Variants in RGS7 observed in about 807,000 individuals in gnomAD.
RGS7 encodes regulator of G protein signaling 7.
Under a neutral mutation model 81.1 loss-of-function variants are expected in RGS7, and 27 were observed. The ratio of observed to expected loss-of-function variants is 0.33; its 90% CI spans 0.25 to 0.46. The LOEUF is 0.46. Among genes scored for constraint, RGS7 ranks in the 20% least tolerant of loss-of-function variants. The pLI is 1.00. For missense variants in RGS7, 396 were observed against 607.4 expected (o/e 0.65, Z 3.66); for synonymous variants, 208 against 207.7 (o/e 1.00, Z -0.01).
intron 2 of RGS7, among the ~76,000 whole-genome samples, chr1:241,176,397 T>C (rs1412673451): frequency 6.6e-6 from 1 of 152,166 alleles, no homozygotes; most frequent in African/African-American, 2.4e-5. Context: ...AAGCCCCCAC[T>C]TCAAGGATGA....
chr1:240,800,167 G>A (rs1197440937), intron 18 of RGS7, among the ~76,000 whole-genome samples: 1 of 152,154 alleles, frequency 6.6e-6, no homozygotes, highest in African/African-American at 2.4e-5. Flanking sequence ...TTGGAGAATT[G>A]TTTGACATTG....
chr1:240,830,009 G>A (rs1371796432), intron 9 of RGS7, among the ~76,000 whole-genome samples: 3 of 152,122 alleles, frequency 2.0e-5, no homozygotes, highest in East Asian at 1.9e-4. Context: ...GAAGAAACTC[G>A]AAGAAGAAGA....
At chr1:241,108,174 C>T (rs1280561177) in intron 2 of RGS7, among the ~76,000 whole-genome samples, 1 of 151,876 alleles carries the variant, frequency 6.6e-6, no homozygotes, top group African/African-American at 2.4e-5. Flanking sequence ...CGTAGTGACG[C>T]GCGCCTGTAA....
chr1:240,950,823 A>C (rs1419450406), intron 4 of RGS7, among the ~76,000 whole-genome samples: 1 of 152,214 alleles, frequency 6.6e-6, no homozygotes, highest in African/African-American at 2.4e-5. Flanking sequence ...AACCACAGCA[A>C]ACATTAAGCA....
chr1:240,937,114 C>T (rs909902683), intron 4 of RGS7, among the ~76,000 whole-genome samples: 1 of 152,128 alleles, frequency 6.6e-6, no homozygotes. Context: ...ACCTAATTAG[C>T]CATATTCAAT....
At chr1:240,823,268 C>T in intron 10 of RGS7, 1 of 642,334 alleles carries the variant, frequency 1.6e-6, no homozygotes, top group South Asian at 1.5e-5. Context: ...AGGCCATCTC[C>T]ACTTCCGACA....
rs55933935 is a variant in RGS7, at chr1:241,164,675, C to T, written c.79-65913G>A. ...TTTCTAGAGAAGTCAGATATCTGAACATTAATGTGAAATTTTCCATGTTTA... is the reference window on the plus strand; with the variant it reads ...TTTCTAGAGAAGTCAGATATCTGAATATTAATGTGAAATTTTCCATGTTTA... On this transcript the variant is annotated intron_variant, in intron 2 of 18. Transcript: ENST00000440928. This position sits in a 1 kb window ranked among gnomAD's most constrained non-coding sequence, Gnocchi z 4.1. Among the ~76,000 whole-genome samples the T allele has an allele frequency of 0.091, 13,839 of 152,136 alleles. 729 individuals carry two copies. The highest frequency in any genetic ancestry group is 0.17 in the East Asian group (902 of 5,166).
intron 6 of RGS7, among the ~76,000 whole-genome samples, chr1:240,913,033 G>T (rs149933785): frequency 6.6e-6 from 1 of 152,130 alleles, no homozygotes; most frequent in Non-Finnish European, 1.5e-5. Context: ...TTCAGCATTC[G>T]GAGACACAAC....
intron 14 of RGS7, among the ~76,000 whole-genome samples, chr1:240,810,550 G>A (rs1317564271): frequency 6.7e-6 from 1 of 149,948 alleles, no homozygotes; most frequent in Non-Finnish European, 1.5e-5. Flanking sequence ...GGGTTTAAGC[G>A]ATTCTCATTC....
chr1:240,882,704 C>A (rs1666614145), intron 6 of RGS7, among the ~76,000 whole-genome samples: 1 of 151,982 alleles, frequency 6.6e-6, no homozygotes, highest in African/African-American at 2.4e-5. Flanking sequence ...TTCTTGGGGT[C>A]CATTTTTTTT....
chr1:241,186,205 C>T (rs1276395788), intron 2 of RGS7, among the ~76,000 whole-genome samples: 3 of 152,094 alleles, frequency 2.0e-5, no homozygotes, highest in Admixed American at 6.6e-5. Flanking sequence ...TACTTAACCA[C>T]ACTCTGACTC....
intron 4 of RGS7, among the ~76,000 whole-genome samples, chr1:240,976,010 C>G (rs551830608): frequency 6.6e-6 from 1 of 152,224 alleles, no homozygotes; most frequent in African/African-American, 2.4e-5. Context: ...CAGAAACTCA[C>G]GTTGTGCTTG....
At chr1:241,123,845 T>C (rs1440841427) in intron 2 of RGS7, among the ~76,000 whole-genome samples, 1 of 152,204 alleles carries the variant, frequency 6.6e-6, no homozygotes, top group African/African-American at 2.4e-5. Flanking sequence ...ACCTATGTCC[T>C]AGTCATGGTA....
chr1:240,884,903 T>C (rs973277623), intron 6 of RGS7, among the ~76,000 whole-genome samples: 2 of 152,076 alleles, frequency 1.3e-5, no homozygotes, highest in East Asian at 1.9e-4. Context: ...AATTGACAAA[T>C]AGTATCTAAT....
chr1:241,027,036 T>TA (rs35885080), intron 3 of RGS7, among the ~76,000 whole-genome samples: 49,703 of 137,524 alleles, frequency 0.36, 8,970 homozygotes, highest in Middle Eastern at 0.44. Context: ...TACCAGAAAT[T>TA]AAAAAAAAAA....
intron 3 of RGS7, among the ~76,000 whole-genome samples, chr1:241,087,125 G>A (rs757379721): frequency 3.9e-5 from 6 of 152,104 alleles, no homozygotes; most frequent in Non-Finnish European, 8.8e-5. Context: ...CTGACAAAAC[G>A]CTCACACACA....
At chr1:241,116,478 C>T (rs1036437049) in intron 2 of RGS7, among the ~76,000 whole-genome samples, 3 of 152,070 alleles carry the variant, frequency 2.0e-5, no homozygotes, top group African/African-American at 7.2e-5. Context: ...GCTGGCTTCC[C>T]GGCCTCCCTT....
intron 4 of RGS7, among the ~76,000 whole-genome samples, chr1:240,962,187 G>C (rs1007175080): frequency 6.6e-6 from 1 of 152,060 alleles, no homozygotes; most frequent in Non-Finnish European, 1.5e-5. Context: ...CTTCCTAGTA[G>C]AAAAGTTCTA....
At chr1:241,317,149 A>G (rs2080928230) in intron 2 of RGS7, among the ~76,000 whole-genome samples, 2 of 152,216 alleles carry the variant, frequency 1.3e-5, no homozygotes, top group Non-Finnish European at 1.5e-5. Context: ...TATGGAGCCC[A>G]GAGATGGGAA....
Sources: gnomAD v4.1 joint callset for allele counts (sites outside exome capture counted in the v4.1 genomes callset) on GRCh38, gnomAD v4.1.1 for gene constraint, Gnocchi (gnomAD v3.1) non-coding constraint, MANE v1.5 for transcripts, NCBI Gene and HGNC (gene_info 2026-07-23, HGNC 2026-07-21) for gene names.